GYG1: variants seen among roughly 807,000 people sequenced by gnomAD.
GYG1 encodes the protein glycogenin 1.
Under a neutral mutation model 41.9 loss-of-function variants are expected in GYG1, and 44 were observed. The ratio of observed to expected loss-of-function variants is 1.05; its 90% confidence interval spans 0.83 to 1.35. GYG1 has a LOEUF of 1.35. Among genes scored for constraint, GYG1 ranks in the 40% most tolerant of loss-of-function variants. The pLI, the probability that GYG1 is intolerant of heterozygous loss-of-function variation, is 0.00. For synonymous variants in GYG1, 141 were observed against 158.1 expected, an observed-to-expected ratio of 0.89 and a Z score of 0.81; for missense variants, 429 against 418.9, an observed-to-expected ratio of 1.02 and a Z score of -0.21.
rs1449453096 is a variant in GYG1, at chr3:149,031,312, C to T, written c.*4379C>T. 1.3e-5 allele frequency: 2 copies of T among 152,588 alleles called. No homozygotes were observed. Among genetic ancestry groups the T allele is most frequent in the Non-Finnish European group, 2.9e-5 (2 of 68,028 alleles). The allele number at this position is 152,588 out of a possible 1,614,324, so 9.5% of individuals were successfully genotyped here. On this transcript the variant is annotated 3_prime_UTR_variant, in exon 8 of 8. Transcript: ENST00000345003. Reference sequence around the variant, plus strand: ...TAAGAGTTGAAACGACTTTGGAGATCATCCAGCCCAACTTCCATCCAGATA... The same window carrying T: ...TAAGAGTTGAAACGACTTTGGAGATTATCCAGCCCAACTTCCATCCAGATA...
chr3:149,016,559 C>T (rs1320521183), intron 5 of GYG1, among the ~76,000 whole-genome samples: 1 of 152,064 alleles, frequency 6.6e-6, no homozygotes, highest in East Asian at 1.9e-4. Context: ...AGTCTGGGTT[C>T]GAGTGCTGAC....
chr3:149,015,684 G>A (rs1713984556), intron 5 of GYG1, among the ~76,000 whole-genome samples: 2 of 152,300 alleles, frequency 1.3e-5, no homozygotes, highest in South Asian at 4.2e-4. Flanking sequence ...TGACAAGTGG[G>A]TCCAGGAGAC....
At chr3:149,009,196 A>G (rs763416082) in intron 4 of GYG1, 80 bp from the exon 5 acceptor site, 1 of 1,099,116 alleles carries the variant, frequency 9.1e-7, no homozygotes, top group South Asian at 1.4e-5. Context: ...TCTATTTTTA[A>G]AGGTCCAGTT....
At chr3:148,996,933 A>G (rs1301190693) in intron 4 of GYG1, 29 bp downstream of exon 4, 3 of 1,562,558 alleles carry the variant, frequency 1.9e-6, no homozygotes, top group Admixed American at 3.3e-5. Flanking sequence ...CATGTCTGAT[A>G]AGCTGTTAAT....
At chr3:149,003,888 T>C (rs942083202) in intron 4 of GYG1, 4 of 152,190 alleles carry the variant, frequency 2.6e-5, no homozygotes, top group African/African-American at 7.2e-5. Context: ...GCACGCAAAG[T>C]ACACAAGCAT....
rs58075146 is a variant in GYG1 at position 149,017,582 on chromosome 3, G to GTTTTTTTTTTTTTTT, written c.609-6455_609-6441dup. Among the ~76,000 whole-genome samples the GTTTTTTTTTTTTTTT allele has an allele frequency of 1.3e-4, 6 of 47,382 alleles. 1 individual carries two copies. Among genetic ancestry groups the GTTTTTTTTTTTTTTT allele is most frequent in the African/African-American group, 3.3e-4 (6 of 18,088 alleles). 31.1% of individuals were successfully genotyped at this position (47,382 alleles called of 152,430 possible). Reference sequence around the variant, plus strand: ...TTATTTATTTATTTCTTTTATTTAGGTTTTTTTTTTTTTTTTTTTTTTTTT... The same window carrying GTTTTTTTTTTTTTTT: ...TTATTTATTTATTTCTTTTATTTAGGTTTTTTTTTTTTTTTTTTTTTTTTTTTTTTTTTTTTTTTT... On this transcript the variant is annotated intron_variant, in intron 5 of 7. Transcript: ENST00000345003.
At chr3:149,016,463 T>G (rs1425085983) in intron 5 of GYG1, among the ~76,000 whole-genome samples, 1 of 151,966 alleles carries the variant, frequency 6.6e-6, no homozygotes, top group Non-Finnish European at 1.5e-5. Flanking sequence ...TGGCCTGGTG[T>G]TGTAAGTCCT....
Position 149,028,728 on chromosome 3 carries a change from T to C in GYG1, c.*1795T>C, listed in dbSNP as rs1576558666. On this transcript the variant is annotated 3_prime_UTR_variant, in exon 8 of 8. Transcript: ENST00000345003. ...AAATTTTTTTTTTTTTTTTTTTTTT[T>C]CTTGAGGCAGAGTCTTGCTCTGTCA... Among the ~76,000 whole-genome samples the C allele has an allele frequency of 7.6e-6, 1 of 131,788 alleles. No individual in the cohort carries two copies. The highest frequency in any genetic ancestry group is 2.2e-4 in the East Asian group (1 of 4,488). The allele number at this position is 131,788 out of a possible 152,430, so 86.5% of individuals were successfully genotyped here.
intron 4 of GYG1, among the ~76,000 whole-genome samples, chr3:149,004,593 G>T (rs142333086): frequency 1.3e-5 from 2 of 152,158 alleles, no homozygotes; most frequent in Non-Finnish European, 2.9e-5. Flanking sequence ...ATTCAGCTAC[G>T]GACTTCTACA....
chr3:149,008,786 AT>A (rs1713553963), intron 4 of GYG1: 1 of 180,620 alleles, frequency 5.5e-6, no homozygotes, highest in African/African-American at 2.4e-5. Context: ...CTCAATAGAT[AT>A]TTGTCGAATT....
Position 149,031,569 on chromosome 3 carries a change from T to C in GYG1, c.*4636T>C, listed in dbSNP as rs1715050982. 1 of 152,528 alleles carries C rather than the reference T, an allele frequency of 6.6e-6. No individual in the cohort carries two copies. Among genetic ancestry groups the C allele is most frequent in the South Asian group, 2.1e-4 (1 of 4,830 alleles). The allele number at this position is 152,528 out of a possible 1,614,324, so 9.4% of individuals were successfully genotyped here. A position where few individuals can be genotyped will look rare whatever the true frequency, so the allele number is the denominator to read the frequency against. On this transcript the variant is annotated 3_prime_UTR_variant, in exon 8 of 8. Coordinates refer to ENST00000345003, the MANE Select transcript of GYG1 (RefSeq NM_004130.4). ...TTTAAACAATGAGTGTAGTACTACT[T>C]AACTAAAATGGAAAAAATAGTACTC...
Position 149,019,758 on chromosome 3 carries a change from G to T in GYG1, c.609-4295G>T, listed in dbSNP as rs367743607. Reference sequence around the variant, plus strand: ...GTGCCTGAGTCACAGTGAAATGCAGGGTGTGGATTGTTTCCAAATGGTGTT... The same window carrying T: ...GTGCCTGAGTCACAGTGAAATGCAGTGTGTGGATTGTTTCCAAATGGTGTT... On this transcript the variant is annotated intron_variant, in intron 5 of 7. Transcript: ENST00000345003. Among the ~76,000 whole-genome samples the T allele has an allele frequency of 5.3e-5, 8 of 152,318 alleles. No homozygotes were observed. In the South Asian group the frequency reaches 1.4e-3, roughly 28 times the overall value.
rs1458940549 is a variant in GYG1, at chr3:149,022,595, A to G, written c.609-1458A>G. On this transcript the variant is annotated intron_variant, in intron 5 of 7. Coordinates refer to ENST00000345003, the MANE Select transcript of GYG1 (RefSeq NM_004130.4). ...ACTGCAACCTCCGACTCCCGGGTTC[A>G]AGGGATTCTCCTGCCTCAGCCTCCT... Among the ~76,000 whole-genome samples the G allele has an allele frequency of 5.7e-5, 8 of 140,450 alleles. No homozygotes were observed. In the Admixed American group the frequency reaches 6.2e-4, roughly 11 times the overall value. The allele number at this position is 140,450 out of a possible 152,430, so 92.1% of individuals were successfully genotyped here. A position where few individuals can be genotyped will look rare whatever the true frequency, so the allele number is the denominator to read the frequency against.
At chr3:148,993,820 C>T (rs1309916961) in intron 1 of GYG1, among the ~76,000 whole-genome samples, 2 of 152,160 alleles carry the variant, frequency 1.3e-5, no homozygotes, top group African/African-American at 4.8e-5. Context: ...TACTTGATCT[C>T]TTCATTACCA....
chr3:149,012,192 G>GA lies in GYG1; in HGVS notation c.608+2793dup, dbSNP rs201610019. On this transcript the variant is annotated intron_variant, in intron 5 of 7. Coordinates refer to ENST00000345003, the MANE Select transcript of GYG1 (RefSeq NM_004130.4). The stretch of plus-strand genomic sequence containing the variant: ...ATTGTAGTCCAAATGTTTTTTAAAT[G>GA]AAAGTAACCCATTACAAGCATTTCG... Among the ~76,000 whole-genome samples the GA allele has an allele frequency of 2.7e-3, 404 of 151,424 alleles. 8 individuals are homozygous for GA. Among genetic ancestry groups the GA allele is most frequent in the Admixed American group, 0.023 (351 of 15,228 alleles).
At chr3:149,021,240 G>A (rs1714358211) in intron 5 of GYG1, among the ~76,000 whole-genome samples, 1 of 152,060 alleles carries the variant, frequency 6.6e-6, no homozygotes, top group Non-Finnish European at 1.5e-5. Context: ...AGCCTTTTGG[G>A]GCCACACACT....
intron 4 of GYG1, among the ~76,000 whole-genome samples, chr3:148,999,828 C>G (rs1712995165): frequency 6.6e-6 from 1 of 152,182 alleles, no homozygotes; most frequent in Non-Finnish European, 1.5e-5. Context: ...CCCACATTTT[C>G]TCACAACCAT....
rs1576559119 is a variant in GYG1, at chr3:149,029,224, A to G, written c.*2291A>G. Among the ~76,000 whole-genome samples the G allele has an allele frequency of 6.6e-6, 1 of 152,226 alleles. No homozygotes were observed. The highest frequency in any genetic ancestry group is 6.5e-5 in the Admixed American group (1 of 15,290). On this transcript the variant is annotated 3_prime_UTR_variant, in exon 8 of 8. Transcript: ENST00000345003. ...CCATGTAAAGCTATACAAATATTGG[A>G]AAATCTTTTCTAGGGAGTCCAGAAT...
rs771870422 is a variant in GYG1, at chr3:148,991,657, C to T, written c.7+10C>T. ...GGCAGCACCATGACAGGTACCGCCG[C>T]GCAGCCCGCCGCCGCCAGCCCCGGG... is the stretch of plus-strand genomic sequence containing the variant. On this transcript the variant is annotated intron_variant, in intron 1 of 7. Coordinates refer to ENST00000345003, the MANE Select transcript of GYG1 (RefSeq NM_004130.4). 8 of 1,528,056 alleles carry T rather than the reference C, an allele frequency of 5.2e-6. No individual in the cohort carries two copies. Among genetic ancestry groups the T allele is most frequent in the African/African-American group, 4.2e-5 (3 of 71,424 alleles). The allele number at this position is 1,528,056 out of a possible 1,614,324, so 94.7% of individuals were successfully genotyped here. A position where few individuals can be genotyped will look rare whatever the true frequency, so the allele number is the denominator to read the frequency against.
Sources: gnomAD v4.1 joint callset for allele counts (sites outside exome capture counted in the v4.1 genomes callset) on GRCh38, gnomAD v4.1.1 for gene constraint, MANE v1.5 for transcripts, NCBI Gene and HGNC (gene_info 2026-07-23, HGNC 2026-07-21) for gene names.